SUFU: variants seen among roughly 807,000 people sequenced by gnomAD.
SUFU encodes the protein suppressor of fused homolog.
A neutral mutation model predicts 58.9 loss-of-function variants in SUFU; 7 were observed. The ratio of observed to expected loss-of-function variants is 0.12; its 90% CI spans 0.07 to 0.22. SUFU has a LOEUF of 0.22. Ranked by LOEUF, SUFU falls within the 10% of genes least tolerant of loss-of-function variation. SUFU has a pLI of 1.00. For synonymous variants in SUFU, 232 were observed against 254.8 expected, an observed-to-expected ratio of 0.91 and a Z score of 0.85; for missense variants, 451 against 641.3, an observed-to-expected ratio of 0.70 and a Z score of 3.20.
rs771650010 is a variant in SUFU at position 102,619,099 on chromosome 10, T to C, written c.1296+1671T>C. On this transcript the variant is annotated intron_variant, in intron 10 of 11. Transcript: ENST00000369902. This position sits in a 1 kb window ranked among gnomAD's most constrained non-coding sequence, Gnocchi z 4.2. ...CTATCCTCGGAGCTCTGCCCTCCCG[T>C]CCTGGAACGTCTTTCTGCCCTGAGG... 6.2e-7 allele frequency: 1 copy of C among 1,612,770 alleles called. No homozygotes were observed. The highest frequency in any genetic ancestry group is 8.5e-7 in the Non-Finnish European group (1 of 1,179,864).
chr10:102,562,810 G>A (rs2063052141), intron 3 of SUFU, among the ~76,000 whole-genome samples: 1 of 152,150 alleles, frequency 6.6e-6, no homozygotes, highest in South Asian at 2.1e-4. Context: ...AGAATTGCTT[G>A]AACCTAGGAG....
intron 2 of SUFU, among the ~76,000 whole-genome samples, chr10:102,535,343 G>A (rs369082233): frequency 5.5e-4 from 83 of 152,138 alleles, no homozygotes; most frequent in African/African-American, 1.9e-3. Flanking sequence ...AAAATGAGCC[G>A]GGCATGGTGG....
At chr10:102,508,444 A>G (rs1042920303) in intron 1 of SUFU, among the ~76,000 whole-genome samples, 3 of 152,098 alleles carry the variant, frequency 2.0e-5, no homozygotes, top group East Asian at 1.9e-4. Flanking sequence ...TCCCAGCTCT[A>G]CCTTTGATGT....
intron 2 of SUFU, among the ~76,000 whole-genome samples, chr10:102,526,905 A>G (rs1463137353): frequency 6.6e-6 from 1 of 152,110 alleles, no homozygotes; most frequent in Non-Finnish European, 1.5e-5. Context: ...GAGGCTTGGT[A>G]AGAGAGAACA....
At chr10:102,519,137 CAAA>C (rs386372286) in intron 2 of SUFU, among the ~76,000 whole-genome samples, 2 of 86,764 alleles carry the variant, frequency 2.3e-5, no homozygotes, top group Non-Finnish European at 4.4e-5. Flanking sequence ...GACTCTGTCT[CAAA>C]AAAAAAAAAA....
At chr10:102,571,239 A>G (rs1474363668) in intron 3 of SUFU, among the ~76,000 whole-genome samples, 1 of 152,226 alleles carries the variant, frequency 6.6e-6, no homozygotes, top group Non-Finnish European at 1.5e-5. Flanking sequence ...AGTCAGTACT[A>G]ATAAGTAACG....
intron 8 of SUFU, among the ~76,000 whole-genome samples, chr10:102,612,193 G>GCACGCGCA (rs1554854162): frequency 1.0e-5 from 1 of 97,682 alleles, no homozygotes; most frequent in Admixed American, 1.2e-4. Context: ...GTGTGTGTGT[G>GCACGCGCA]TGTGTGTGTG....
Position 102,590,153 on chromosome 10 carries a change from C to CTTTTTTT in SUFU, c.455-2423_455-2422insTTTTTTT, listed in dbSNP as rs71474569. 4.1e-4 allele frequency among the ~76,000 whole-genome samples: 30 copies of CTTTTTTT among 73,838 alleles called. 6 individuals are homozygous for CTTTTTTT. Among genetic ancestry groups the CTTTTTTT allele is most frequent in the East Asian group, 4.3e-4 (1 of 2,336 alleles). The allele number at this position is 73,838 out of a possible 152,430, so 48.4% of individuals were successfully genotyped here. On this transcript the variant is annotated intron_variant, in intron 3 of 11. Transcript: ENST00000369902. ...CCCCCGACTTTTTCTTTTTTTTTTT[C>CTTTTTTT]TTTTTTCTTTTTTTTTTTTTTTTGA...
chr10:102,529,326 C>A (rs190566458), intron 2 of SUFU, among the ~76,000 whole-genome samples: 73 of 152,248 alleles, frequency 4.8e-4, no homozygotes, highest in Non-Finnish European at 9.3e-4. Flanking sequence ...CTGGGAGGGA[C>A]CCAAGGTCAG....
chr10:102,597,006 G>T, intron 6 of SUFU, 134 bp from the exon 7 acceptor site: 1 of 1,059,328 alleles, frequency 9.4e-7, no homozygotes, highest in Non-Finnish European at 1.4e-6. Flanking sequence ...CAGAGATCCT[G>T]CTCTCCAGCA....
intron 2 of SUFU, among the ~76,000 whole-genome samples, chr10:102,542,542 T>C (rs2062814033): frequency 6.6e-6 from 1 of 152,050 alleles, no homozygotes; most frequent in Non-Finnish European, 1.5e-5. Flanking sequence ...CCCAAAGTTC[T>C]GGGATTACAG....
chr10:102,624,601 T>G (rs1279179709), intron 10 of SUFU, among the ~76,000 whole-genome samples: 1 of 151,818 alleles, frequency 6.6e-6, no homozygotes, highest in Non-Finnish European at 1.5e-5. Flanking sequence ...GCAGCTAGGG[T>G]TTGTCCTCAT....
intron 4 of SUFU, 125 bp from the exon 5 acceptor site, chr10:102,593,511 C>A: frequency 2.1e-6 from 2 of 963,078 alleles, no homozygotes; most frequent in Non-Finnish European, 3.4e-6. Context: ...GCTGCACCAG[C>A]TCCTGAGCAC....
rs983378420 is a variant in SUFU at position 102,632,841 on chromosome 10, C to A, written c.*2686C>A. 3.9e-5 allele frequency: 9 copies of A among 233,448 alleles called. No homozygotes were observed. The highest frequency in any genetic ancestry group is 6.8e-5 in the Non-Finnish European group (8 of 118,288). 14.5% of individuals were successfully genotyped at this position (233,448 alleles called of 1,614,324 possible). On this transcript the variant is annotated 3_prime_UTR_variant, in exon 12 of 12. Transcript: ENST00000369902. Reference sequence around the variant, plus strand: ...AGGCAGGCTCCTGTGGCTCTGCTGGCTCAGTGTGGGCTGCAGGAGGACTGC... The same window carrying A: ...AGGCAGGCTCCTGTGGCTCTGCTGGATCAGTGTGGGCTGCAGGAGGACTGC...
Position 102,628,161 on chromosome 10 carries a change from G to A in SUFU, c.1365+918G>A, listed in dbSNP as rs973333403. ...CTTTCTACCAAGAGGGAGGCCAGGCGGGAGCTAGGTTCCAGCCAGGGCTGG... is the reference window on the plus strand; with the variant it reads ...CTTTCTACCAAGAGGGAGGCCAGGCAGGAGCTAGGTTCCAGCCAGGGCTGG... On this transcript the variant is annotated intron_variant, in intron 11 of 11. Transcript: ENST00000369902. This position sits in a 1 kb window ranked among gnomAD's most constrained non-coding sequence, Gnocchi z 4.5. Among the ~76,000 whole-genome samples, 3 of 152,136 alleles carry A rather than the reference G, an allele frequency of 2.0e-5. No homozygotes were observed. The highest frequency in any genetic ancestry group is 2.4e-5 in the African/African-American group (1 of 41,418).
intron 3 of SUFU, among the ~76,000 whole-genome samples, chr10:102,581,180 C>CAA (rs71016393): frequency 2.9e-3 from 221 of 75,598 alleles, no homozygotes; most frequent in Middle Eastern, 9.4e-3. Context: ...ACTCTGTCTC[C>CAA]AAAAAAAAAA....
intron 11 of SUFU, 109 bp downstream of exon 11, chr10:102,627,352 G>T: frequency 9.7e-7 from 1 of 1,030,846 alleles, no homozygotes; most frequent in South Asian, 1.3e-5. Flanking sequence ...TGTGGTGCGT[G>T]TGTGCTTGCA....
At chr10:102,593,772 A>C in intron 5 of SUFU, 51 bp downstream of exon 5, 1 of 1,581,312 alleles carries the variant, frequency 6.3e-7, no homozygotes, top group Non-Finnish European at 8.7e-7. Flanking sequence ...TGGGGGTGGG[A>C]GTCCCTCCAC....
intron 2 of SUFU, among the ~76,000 whole-genome samples, chr10:102,541,472 C>G (rs1347479486): frequency 4.0e-5 from 6 of 151,070 alleles, no homozygotes; most frequent in Non-Finnish European, 8.8e-5. Context: ...GATCTCGGCT[C>G]ACTGCAACCT....
Sources: allele counts gnomAD v4.1 joint callset (sites outside exome capture counted in the v4.1 genomes callset), GRCh38; gene constraint gnomAD v4.1.1; non-coding constraint Gnocchi (gnomAD v3.1); transcripts MANE v1.5; gene names NCBI Gene and HGNC (gene_info 2026-07-23, HGNC 2026-07-21).